Variants in PPP1R12A observed in about 807,000 individuals in gnomAD.
The protein encoded by PPP1R12A is myosin binding subunit.
PPP1R12A carries 19 observed loss-of-function variants against 139.6 expected under a neutral mutation model. The ratio of observed to expected loss-of-function variants is 0.14; its 90% confidence interval spans 0.09 to 0.20. PPP1R12A has a LOEUF of 0.20. Among genes scored for constraint, PPP1R12A ranks in the 10% least tolerant of loss-of-function variants. The pLI is 1.00. For missense variants in PPP1R12A, 925 were observed against 1,211.5 expected, an observed-to-expected ratio of 0.76 and a Z score of 3.51; for synonymous variants, 427 against 420.6, an observed-to-expected ratio of 1.02 and a Z score of -0.19.
chr12:79,816,971 T>C (rs1034660340), intron 9 of PPP1R12A, among the ~76,000 whole-genome samples: 1 of 152,088 alleles, frequency 6.6e-6, no homozygotes, highest in Non-Finnish European at 1.5e-5. Flanking sequence ...CTTGTGGTAG[T>C]AGTATTTGTA....
At chr12:79,784,528 T>C (rs1190669153) in intron 22 of PPP1R12A, among the ~76,000 whole-genome samples, 7 of 152,186 alleles carry the variant, frequency 4.6e-5, no homozygotes, top group Non-Finnish European at 1.0e-4. Context: ...AAGAATTACA[T>C]GACAATGAAG....
At position 79,781,853 on chromosome 12, in the gene PPP1R12A, T is replaced by G. The variant is rs1211890755; in HGVS notation, c.2917A>C (p.Arg973=). The G allele has an allele frequency of 6.5e-7, 1 of 1,542,844 alleles. No homozygotes were observed. Among genetic ancestry groups the G allele is most frequent in the Non-Finnish European group, 8.8e-7 (1 of 1,140,384 alleles). The change falls in exon 23 of 25, where the codon AGA becomes CGA. Residue 973 remains arginine (R), a synonymous_variant. Coordinates refer to ENST00000450142, the MANE Select transcript of PPP1R12A (RefSeq NM_002480.3). ...TCCAACAGTGATCTATCAGCAAATC[T>G]TTCTTGTCTCTGCAACAAAGTAAGA... The part of the protein sequence containing the change: ...QLEKATQRQE[R]FADRSLLEME...
At position 79,832,439 on chromosome 12, in the gene PPP1R12A, A is replaced by G; in HGVS notation, c.540T>C (p.Asp180=). The G allele has an allele frequency of 6.2e-7, 1 of 1,613,272 alleles. No individual in the cohort carries two copies. The highest frequency in any genetic ancestry group is 1.3e-5 in the African/African-American group (1 of 75,026). The part of the protein sequence containing the change: ...RKEEERIMLR[D]ARQWLNSGHI... The stretch of plus-strand genomic sequence containing the variant: ...GACCACTATTTAGCCACTGCCTGGC[A>G]TCTCTAAGCATGATCCGTTCTTCTT... Residue 180 remains aspartate, a synonymous_variant, in exon 4 of 25, where the codon GAT becomes GAC. Transcript: ENST00000450142.
At chr12:79,874,910 TCTCA>T (rs1269975836) in intron 1 of PPP1R12A, among the ~76,000 whole-genome samples, 5 of 152,176 alleles carry the variant, frequency 3.3e-5, no homozygotes, top group Non-Finnish European at 5.9e-5. Context: ...TTCTTGCAGT[TCTCA>T]CTGTCAGGAA....
At chr12:79,780,272 T>G (rs1466952672) in intron 23 of PPP1R12A, 1 of 151,662 alleles carries the variant, frequency 6.6e-6, no homozygotes, top group Non-Finnish European at 1.5e-5. Flanking sequence ...AGAAAATGCA[T>G]GTAAAGTGTT....
intron 2 of PPP1R12A, among the ~76,000 whole-genome samples, chr12:79,862,248 C>G (rs1881423528): frequency 6.6e-6 from 1 of 152,096 alleles, no homozygotes; most frequent in Non-Finnish European, 1.5e-5. Context: ...GGAAAACTAA[C>G]AAACAAAAAG....
chr12:79,879,100 C>A (rs1303420132), intron 1 of PPP1R12A, among the ~76,000 whole-genome samples: 2 of 152,102 alleles, frequency 1.3e-5, no homozygotes, highest in African/African-American at 2.4e-5. Context: ...ACAACCAAGG[C>A]TGGGTGTGGC....
intron 14 of PPP1R12A, among the ~76,000 whole-genome samples, chr12:79,802,745 A>G (rs1873344608): frequency 6.6e-6 from 1 of 152,130 alleles, no homozygotes; most frequent in African/African-American, 2.4e-5. Flanking sequence ...ACACCACCAC[A>G]CTACAGCCTG....
chr12:79,802,571 C>T (rs968759526), intron 14 of PPP1R12A, among the ~76,000 whole-genome samples: 1 of 152,058 alleles, frequency 6.6e-6, no homozygotes, highest in Non-Finnish European at 1.5e-5. Context: ...CTGCTTGTGG[C>T]CAGGAGTTTG....
At chr12:79,933,389 CT>C (rs991465837) in intron 1 of PPP1R12A, among the ~76,000 whole-genome samples, 1 of 152,000 alleles carries the variant, frequency 6.6e-6, no homozygotes, top group African/African-American at 2.4e-5. Flanking sequence ...CACTACACAC[CT>C]TTTTTTTAAA....
intron 1 of PPP1R12A, among the ~76,000 whole-genome samples, chr12:79,901,018 TATAAAG>T (rs777318261): frequency 2.3e-4 from 35 of 152,166 alleles, no homozygotes; most frequent in Non-Finnish European, 4.6e-4. Flanking sequence ...GTGAGAAGGC[TATAAAG>T]ACAAAATCAA....
intron 1 of PPP1R12A, among the ~76,000 whole-genome samples, chr12:79,910,949 C>G (rs185396244): frequency 1.3e-5 from 2 of 152,146 alleles, no homozygotes; most frequent in Non-Finnish European, 2.9e-5. Context: ...GACCAAAAAA[C>G]CCCCATAACT....
chr12:79,908,718 G>A (rs1886321132), intron 1 of PPP1R12A, among the ~76,000 whole-genome samples: 1 of 152,186 alleles, frequency 6.6e-6, no homozygotes, highest in African/African-American at 2.4e-5. Context: ...CAGAAGACCT[G>A]TGACCAGCTA....
At chr12:79,807,395 A>C in intron 11 of PPP1R12A, 65 bp from the exon 12 acceptor site, 2 of 979,106 alleles carry the variant, frequency 2.0e-6, no homozygotes, top group Admixed American at 2.2e-5. Context: ...AAAGCGGTAC[A>C]CTAGTAAATA....
At chr12:79,842,028 A>G (rs1298484013) in intron 3 of PPP1R12A, among the ~76,000 whole-genome samples, 1 of 152,014 alleles carries the variant, frequency 6.6e-6, no homozygotes, top group Non-Finnish European at 1.5e-5. Context: ...TTTTAAACAA[A>G]CCCACAGTTG....
intron 2 of PPP1R12A, among the ~76,000 whole-genome samples, chr12:79,870,331 G>A (rs1882440331): frequency 6.6e-6 from 1 of 151,970 alleles, no homozygotes; most frequent in Admixed American, 6.6e-5. Context: ...GCCCAGGCTG[G>A]TCTCGAACTC....
chr12:79,796,283 A>G (rs188361149), intron 17 of PPP1R12A, among the ~76,000 whole-genome samples: 2 of 152,262 alleles, frequency 1.3e-5, no homozygotes, highest in African/African-American at 4.8e-5. Context: ...AAATAATAGG[A>G]AATGGTAATG....
At chr12:79,843,394 G>A (rs1469832392) in intron 3 of PPP1R12A, among the ~76,000 whole-genome samples, 1 of 151,728 alleles carries the variant, frequency 6.6e-6, no homozygotes, top group Non-Finnish European at 1.5e-5. Context: ...TGGCCAACAC[G>A]GTAAAACCCC....
chr12:79,896,055 C>T (rs1565803482), intron 1 of PPP1R12A, among the ~76,000 whole-genome samples: 2 of 151,570 alleles, frequency 1.3e-5, no homozygotes, highest in African/African-American at 4.9e-5. Context: ...TTTAATATTG[C>T]TGAAGGGTCA....
Sources: gnomAD v4.1 joint callset for allele counts (sites outside exome capture counted in the v4.1 genomes callset) on GRCh38, gnomAD v4.1.1 for gene constraint, MANE v1.5 for transcripts, NCBI Gene and HGNC (gene_info 2026-07-23, HGNC 2026-07-21) for gene names.